Variants in CFAP43 observed in about 807,000 individuals in gnomAD.
CFAP43 encodes the protein cilia- and flagella-associated protein 43.
Under a neutral mutation model 218.9 loss-of-function variants are expected in CFAP43, and 155 were observed. The ratio of observed to expected loss-of-function variants is 0.71; its 90% CI spans 0.62 to 0.81. CFAP43 has a LOEUF of 0.81. Ranked by LOEUF, CFAP43 falls within the 30% of genes least tolerant of loss-of-function variation. The pLI, the probability that CFAP43 is intolerant of heterozygous loss-of-function variation, is 0.00. For synonymous variants in CFAP43, 645 were observed against 681.3 expected (o/e 0.95, Z 0.83); for missense variants, 1,778 against 1,954.3 (o/e 0.91, Z 1.70).
chr10:104,213,751 G>A (rs2090932069), intron 4 of CFAP43, among the ~76,000 whole-genome samples: 1 of 152,068 alleles, frequency 6.6e-6, no homozygotes, highest in African/African-American at 2.4e-5. Flanking sequence ...TAGCCAGGAT[G>A]GTCTCGATCT....
chr10:104,206,184 TAG>T (rs2090682912), intron 6 of CFAP43, among the ~76,000 whole-genome samples, 154 bp from the exon 7 acceptor site: 1 of 152,124 alleles, frequency 6.6e-6, no homozygotes, highest in Non-Finnish European at 1.5e-5. Flanking sequence ...GATGCTAGAT[TAG>T]AGAGAGGAGC....
intron 24 of CFAP43, 111 bp downstream of exon 24, chr10:104,163,983 G>T: frequency 9.9e-7 from 1 of 1,007,630 alleles, no homozygotes; most frequent in Non-Finnish European, 1.5e-6. Context: ...ACCTGCAACT[G>T]AGAGTGCTAC....
rs1293775674 is a variant in CFAP43 at position 104,168,828 on chromosome 10, C to T, written c.2607G>A (p.Met869Ile). 6.2e-7 allele frequency: 1 copy of T among 1,613,004 alleles called. No individual in the cohort carries two copies. Among genetic ancestry groups the T allele is most frequent in the South Asian group, 1.1e-5 (1 of 91,066 alleles). Residue 869 changes from methionine (M) to isoleucine (I), a missense_variant, in exon 21 of 38, where the codon ATG (methionine) becomes ATA (isoleucine). Transcript: ENST00000357060. ...CCAAATAGCTCTTGGCTAAGTTATG[C>T]ATCTCTACATCCTTTATCATCTTGA... ...EVAKMIKDVEMHNLAKSYLAE... is the reference protein window; with the variant it reads ...EVAKMIKDVEIHNLAKSYLAE...
chr10:104,168,400 G>C (rs181333522), intron 21 of CFAP43, among the ~76,000 whole-genome samples: 520 of 152,310 alleles, frequency 3.4e-3, no homozygotes, highest in Middle Eastern at 0.01. Flanking sequence ...GGCAGGCACA[G>C]GCAGAAACAT....
intron 3 of CFAP43, among the ~76,000 whole-genome samples, chr10:104,219,076 A>C (rs768427473): frequency 6.6e-6 from 1 of 151,730 alleles, no homozygotes; most frequent in African/African-American, 2.4e-5. Context: ...CATCTCAAGC[A>C]CTCTCAGTTC....
At chr10:104,155,632 G>A (rs2088502451) in intron 27 of CFAP43, among the ~76,000 whole-genome samples, 1 of 152,124 alleles carries the variant, frequency 6.6e-6, no homozygotes, top group South Asian at 2.1e-4. Flanking sequence ...GGGACATGGG[G>A]CAGGATTGAG....
chr10:104,157,229 GTTCTCA>G (rs990495965), intron 27 of CFAP43, among the ~76,000 whole-genome samples: 2 of 152,142 alleles, frequency 1.3e-5, no homozygotes, highest in African/African-American at 4.8e-5. Flanking sequence ...ACTCTGTTTA[GTTCTCA>G]GTAAGGCAGG....
intron 34 of CFAP43, among the ~76,000 whole-genome samples, chr10:104,135,035 C>G (rs1428932397): frequency 1.3e-5 from 2 of 152,056 alleles, no homozygotes; most frequent in Non-Finnish European, 2.9e-5. Context: ...ATAACTATGA[C>G]CAAGTGTCAT....
chr10:104,214,205 C>A, intron 4 of CFAP43, 54 bp downstream of exon 4: 2 of 1,497,942 alleles, frequency 1.3e-6, no homozygotes, highest in Admixed American at 2.3e-5. Context: ...AATCACATTA[C>A]ACGAATGCAA....
chr10:104,152,518 AC>A (rs1414022566), intron 28 of CFAP43, 88 bp downstream of exon 28: 80 of 1,561,558 alleles, frequency 5.1e-5, no homozygotes, highest in Non-Finnish European at 6.8e-5. Context: ...AGATCTTAGT[AC>A]CTGGTAAGGA....
chr10:104,166,510 A>G lies in CFAP43; in HGVS notation c.3017T>C (p.Ile1006Thr). 1 of 1,613,248 alleles carries G rather than the reference A, an allele frequency of 6.2e-7. No individual in the cohort carries two copies. Among genetic ancestry groups the G allele is most frequent in the African/African-American group, 1.3e-5 (1 of 74,968 alleles). ...QLELHSREEK[I>T]NQIILLKDII... ...CACTTTCAATAATATAATTTGGTTGATTTTCTCTTCTCTGGAATGAAGCTC... is the reference window on the plus strand; with the variant it reads ...CACTTTCAATAATATAATTTGGTTGGTTTTCTCTTCTCTGGAATGAAGCTC... The change falls in exon 23 of 38, where the codon ATC becomes ACC. Residue 1006 changes from isoleucine to threonine, a missense_variant. Transcript: ENST00000357060.
rs2087964986 is a variant in CFAP43 at position 104,146,284 on chromosome 10, G to C, written c.3834C>G (p.Asp1278Glu). 3.7e-6 allele frequency: 6 copies of C among 1,613,730 alleles called. No homozygotes were observed. Among genetic ancestry groups the C allele is most frequent in the Non-Finnish European group, 4.2e-6 (5 of 1,179,702 alleles). The change falls in exon 30 of 38, where the codon GAC (aspartate) becomes GAG (glutamate). Residue 1278 changes from aspartate to glutamate, a missense_variant. Coordinates refer to ENST00000357060, the MANE Select transcript of CFAP43 (RefSeq NM_025145.7). ...EDLDVCKEHYDNLLAEDKVMD... is the reference protein window; with the variant it reads ...EDLDVCKEHYENLLAEDKVMD... ...TCACTTTGTCTTCTGCCAGTAAGTTGTCATAGTGCTCCTTGCACACATCCA... is the reference window on the plus strand; with the variant it reads ...TCACTTTGTCTTCTGCCAGTAAGTTCTCATAGTGCTCCTTGCACACATCCA...
chr10:104,167,772 T>C, intron 21 of CFAP43, 35 bp from the exon 22 acceptor site: 3 of 1,528,256 alleles, frequency 2.0e-6, no homozygotes, highest in Non-Finnish European at 2.7e-6. Context: ...AATAAATCCA[T>C]TTGTAGTATA....
rs1431315784 is a variant in CFAP43 at position 104,203,849 on chromosome 10, C to T, written c.964-46G>A. ...CATAGAAAATCAGTCTTAGTCAATG[C>T]ATAGTATACTTGCCTCATCAGACAA... On this transcript the variant is annotated intron_variant, in intron 7 of 37. Transcript: ENST00000357060. 10 of 1,525,586 alleles carry T rather than the reference C, an allele frequency of 6.6e-6. No homozygotes were observed. In the South Asian group the frequency reaches 1.4e-4, roughly 21 times the overall value. 94.5% of individuals were successfully genotyped at this position (1,525,586 alleles called of 1,614,324 possible).
intron 18 of CFAP43, 57 bp downstream of exon 18, chr10:104,179,783 T>G: frequency 3.1e-6 from 4 of 1,291,688 alleles, no homozygotes; most frequent in Non-Finnish European, 4.4e-6. Flanking sequence ...AGGAAACTAA[T>G]CTATTTGGTG....
chr10:104,189,423 T>C (rs959214353), intron 12 of CFAP43, among the ~76,000 whole-genome samples: 8 of 152,296 alleles, frequency 5.3e-5, no homozygotes, highest in Admixed American at 5.2e-4. Context: ...CTAACCTTCT[T>C]CATTCCAAAG....
chr10:104,171,500 ATCAG>A (rs1475972280), intron 20 of CFAP43, among the ~76,000 whole-genome samples: 1 of 152,200 alleles, frequency 6.6e-6, no homozygotes, highest in Non-Finnish European at 1.5e-5. Flanking sequence ...TCCTAGAGGC[ATCAG>A]TCAAATAATC....
intron 12 of CFAP43, among the ~76,000 whole-genome samples, chr10:104,189,017 C>A (rs2090123654): frequency 6.6e-6 from 1 of 152,186 alleles, no homozygotes; most frequent in Admixed American, 6.5e-5. Flanking sequence ...GACCTTCCCT[C>A]TTCCTTAACA....
rs2090675669 is a variant in CFAP43, at chr10:104,205,983, C to T, written c.943G>A (p.Gly315Ser). 1 of 1,609,200 alleles carries T rather than the reference C, an allele frequency of 6.2e-7. No individual in the cohort carries two copies. Among genetic ancestry groups the T allele is most frequent in the African/African-American group, 1.3e-5 (1 of 74,584 alleles). The part of the protein sequence containing the change: ...SPVTLVYQKE[G>S]VLASGIDGFV... ...ATTACAATTCCAGAAGCCAGCACGC[C>T]CTCCTTCTGATATACCAAGGTTACT... Residue 315 changes from glycine (G) to serine (S), a missense_variant, in exon 7 of 38, where the codon GGC (glycine) becomes AGC (serine). Coordinates refer to ENST00000357060, the MANE Select transcript of CFAP43 (RefSeq NM_025145.7).
Sources: gnomAD v4.1 joint callset for allele counts (sites outside exome capture counted in the v4.1 genomes callset) on GRCh38, gnomAD v4.1.1 for gene constraint, MANE v1.5 for transcripts, NCBI Gene and HGNC (gene_info 2026-07-23, HGNC 2026-07-21) for gene names.